Variants in TMEM117 observed in about 807,000 individuals in gnomAD.
TMEM117 encodes transmembrane protein 117.
TMEM117 carries 27 observed loss-of-function variants against 52.4 expected under a neutral mutation model. The observed-to-expected ratio is 0.51, with a 90% CI of 0.38 to 0.71. The LOEUF (loss-of-function observed/expected upper bound fraction) is 0.71, where lower values mean the gene tolerates loss of function less well. TMEM117 is among the 30% of genes least tolerant of loss of function. The pLI is 0.00. For missense variants in TMEM117, 556 were observed against 630.5 expected, an observed-to-expected ratio of 0.88 and a Z score of 1.26; for synonymous variants, 215 against 206.3, an observed-to-expected ratio of 1.04 and a Z score of -0.36.
At chr12:43,825,455 T>C in the TMEM117 span, among the ~76,000 whole-genome samples, 2 of 152,304 alleles carry the variant, frequency 1.3e-5, no homozygotes, top group South Asian at 2.1e-4. Context: ...AAGCCTTTCC[T>C]GGCTACCTTC....
intron 3 of TMEM117, among the ~76,000 whole-genome samples, chr12:44,116,234 AC>A (rs1421460893): frequency 6.6e-6 from 1 of 152,154 alleles, no homozygotes; most frequent in African/African-American, 2.4e-5. Flanking sequence ...ATATCGCTTT[AC>A]AATACTCTTC....
At chr12:43,859,258 G>C (rs966011985) in intron 2 of TMEM117, among the ~76,000 whole-genome samples, 4 of 152,192 alleles carry the variant, frequency 2.6e-5, no homozygotes, top group African/African-American at 7.2e-5. Context: ...TGGAGAAGTG[G>C]CAAGCGCAAA....
intron 2 of TMEM117, among the ~76,000 whole-genome samples, chr12:43,931,397 A>G (rs2137580821): frequency 6.6e-6 from 1 of 152,356 alleles, no homozygotes; most frequent in Admixed American, 6.5e-5. Context: ...CTGGCATCCA[A>G]TCAAAAATTA....
chr12:43,828,009 A>C, the TMEM117 span, among the ~76,000 whole-genome samples: 5 of 152,208 alleles, frequency 3.3e-5, no homozygotes, highest in African/African-American at 1.2e-4. Context: ...AGAGACAAGG[A>C]AGATTCTCTT....
intron 5 of TMEM117, among the ~76,000 whole-genome samples, chr12:44,252,845 C>A (rs1031823732): frequency 1.3e-5 from 2 of 152,168 alleles, no homozygotes; most frequent in African/African-American, 4.8e-5. Context: ...ATGGACATGT[C>A]AGTCCCACTC....
chr12:44,140,858 C>T (rs1479492888), intron 3 of TMEM117, among the ~76,000 whole-genome samples: 1 of 152,008 alleles, frequency 6.6e-6, no homozygotes, highest in East Asian at 1.9e-4. Context: ...CCCTAATGCT[C>T]TTTAGAGATT....
chr12:43,935,567 C>A (rs1021437130), intron 2 of TMEM117, among the ~76,000 whole-genome samples: 2 of 152,020 alleles, frequency 1.3e-5, no homozygotes, highest in African/African-American at 4.8e-5. Context: ...AATATTTTTT[C>A]TTTTAGTGGG....
intron 3 of TMEM117, among the ~76,000 whole-genome samples, chr12:44,022,790 A>T (rs1313122859): frequency 6.6e-6 from 1 of 152,240 alleles, no homozygotes; most frequent in Non-Finnish European, 1.5e-5. Context: ...TGATTCACAT[A>T]GATATAGACT....
chr12:44,103,482 A>T (rs557158161), intron 3 of TMEM117, among the ~76,000 whole-genome samples: 1 of 152,020 alleles, frequency 6.6e-6, no homozygotes, highest in Non-Finnish European at 1.5e-5. Flanking sequence ...CTTTCTACCT[A>T]TGTGTGTACT....
rs544789789 is a variant in TMEM117, at chr12:44,077,509, GC to G, written c.411-66013del. On this transcript the variant is annotated intron_variant, in intron 3 of 7. Transcript: ENST00000266534. ...ATGGCTTGAACTACTACATTTTCCAGCCCTTTAACGTGGCCAAACATCATGT... is the reference window on the plus strand; with the variant it reads ...ATGGCTTGAACTACTACATTTTCCAGCCTTTAACGTGGCCAAACATCATGT... Among the ~76,000 whole-genome samples the G allele has an allele frequency of 2.8e-3, 427 of 152,180 alleles. 5 individuals carry two copies. Among genetic ancestry groups the G allele is most frequent in the African/African-American group, 9.8e-3 (405 of 41,534 alleles).
At chr12:44,186,048 T>C (rs1441903904) in intron 4 of TMEM117, among the ~76,000 whole-genome samples, 1 of 152,122 alleles carries the variant, frequency 6.6e-6, no homozygotes, top group Non-Finnish European at 1.5e-5. Context: ...CAGAAAATAA[T>C]AACATATCCA....
At chr12:44,209,560 A>C (rs557710981) in intron 4 of TMEM117, among the ~76,000 whole-genome samples, 1 of 152,252 alleles carries the variant, frequency 6.6e-6, no homozygotes, top group Non-Finnish European at 1.5e-5. Context: ...AAATGAACTG[A>C]AAGTTTATAT....
chr12:44,042,795 CACACACACACACA>C (rs1301950344), intron 3 of TMEM117, among the ~76,000 whole-genome samples: 2 of 150,966 alleles, frequency 1.3e-5, no homozygotes, highest in Non-Finnish European at 2.9e-5. Context: ...CACACACACA[CACACACACACACA>C]CTTATTAGTT....
chr12:43,903,941 C>T (rs547294057), intron 2 of TMEM117, among the ~76,000 whole-genome samples: 1 of 152,108 alleles, frequency 6.6e-6, no homozygotes, highest in Admixed American at 6.6e-5. Flanking sequence ...ACTTTTTCTT[C>T]CACAAAAAGA....
intron 3 of TMEM117, among the ~76,000 whole-genome samples, chr12:44,077,589 G>T (rs955742100): frequency 2.0e-5 from 3 of 152,142 alleles, no homozygotes; most frequent in African/African-American, 7.2e-5. Flanking sequence ...TTGATTGGAA[G>T]GGCATGAATC....
intron 5 of TMEM117, among the ~76,000 whole-genome samples, chr12:44,291,760 G>A (rs1012803889): frequency 3.3e-5 from 5 of 151,866 alleles, no homozygotes; most frequent in Non-Finnish European, 7.4e-5. Flanking sequence ...CATATGATTT[G>A]TATCCTTTAT....
At chr12:44,144,884 G>A (rs890001011) in intron 4 of TMEM117, among the ~76,000 whole-genome samples, 6 of 152,322 alleles carry the variant, frequency 3.9e-5, no homozygotes, top group South Asian at 4.1e-4. Flanking sequence ...TGGGCCGGGC[G>A]CGGTGGCTCA....
At chr12:44,348,817 G>A (rs967113893) in intron 6 of TMEM117, among the ~76,000 whole-genome samples, 36 of 151,984 alleles carry the variant, frequency 2.4e-4, no homozygotes, top group Middle Eastern at 3.4e-3. Context: ...GAAGAGTTGG[G>A]ACCATTAGAA....
At chr12:44,060,665 T>C (rs1330451851) in intron 3 of TMEM117, among the ~76,000 whole-genome samples, 1 of 152,148 alleles carries the variant, frequency 6.6e-6, no homozygotes, top group African/African-American at 2.4e-5. Context: ...GACACAAGAT[T>C]TATTTTTAGA....
Sources: gnomAD v4.1 joint callset for allele counts (sites outside exome capture counted in the v4.1 genomes callset) on GRCh38, gnomAD v4.1.1 for gene constraint, MANE v1.5 for transcripts, NCBI Gene and HGNC (gene_info 2026-07-23, HGNC 2026-07-21) for gene names.